MDFIC2: variants seen among roughly 807,000 people sequenced by gnomAD.
MDFIC2 encodes myoD family inhibitor domain-containing protein 2.
chr3:70,202,512 T>C (rs1173858343), intron 3 of MDFIC2, among the ~76,000 whole-genome samples: 4 of 152,172 alleles, frequency 2.6e-5, no homozygotes, highest in Non-Finnish European at 4.4e-5. Context: ...GTTCTTTGTA[T>C]ATTAAATCTC....
chr3:70,232,423 G>A (rs573242108), intron 2 of MDFIC2, among the ~76,000 whole-genome samples: 3 of 149,026 alleles, frequency 2.0e-5, no homozygotes, highest in Admixed American at 6.7e-5. Context: ...TTTTTCTTGC[G>A]ATGGAGTCTC....
At chr3:70,259,089 G>T (rs1375246813) in intron 2 of MDFIC2, among the ~76,000 whole-genome samples, 6 of 152,106 alleles carry the variant, frequency 3.9e-5, no homozygotes, top group Admixed American at 6.6e-5. Context: ...AAATTATACG[G>T]TACCTCCTGC....
intron 2 of MDFIC2, among the ~76,000 whole-genome samples, chr3:70,282,857 G>A (rs1702102516): frequency 6.6e-6 from 1 of 152,150 alleles, no homozygotes; most frequent in Non-Finnish European, 1.5e-5. Flanking sequence ...GGAAAAGAGA[G>A]GTGTAAATAT....
Position 70,230,193 on chromosome 3 carries a change from G to C in MDFIC2, c.89-23403C>G, listed in dbSNP as rs1162704243. Among the ~76,000 whole-genome samples, 5 of 152,216 alleles carry C rather than the reference G, an allele frequency of 3.3e-5. No individual in the cohort carries two copies. In the East Asian group the frequency reaches 9.7e-4, roughly 29 times the overall value. On this transcript the variant is annotated intron_variant, in intron 2 of 3. Coordinates refer to ENST00000567252, the MANE Select transcript of MDFIC2 (RefSeq NM_001364677.1). ...AGAGCCATCCATTTAACAGCACATT[G>C]TCTCTTACTGGTAGATACCATAATT...
At chr3:70,248,025 T>C (rs945817141) in intron 2 of MDFIC2, among the ~76,000 whole-genome samples, 1 of 151,990 alleles carries the variant, frequency 6.6e-6, no homozygotes, top group Non-Finnish European at 1.5e-5. Flanking sequence ...TCCATCTTTG[T>C]AGTATTTGAA....
At chr3:70,248,257 C>T (rs573872643) in intron 2 of MDFIC2, among the ~76,000 whole-genome samples, 29 of 152,080 alleles carry the variant, frequency 1.9e-4, no homozygotes, top group Admixed American at 6.6e-4. Flanking sequence ...TATGATCTTA[C>T]GTAGAATATT....
At chr3:70,198,262 C>T (rs1231487048) in intron 3 of MDFIC2, among the ~76,000 whole-genome samples, 1 of 152,108 alleles carries the variant, frequency 6.6e-6, no homozygotes, top group Non-Finnish European at 1.5e-5. Context: ...GTTTGACTTT[C>T]ATAAGGATCT....
At position 70,194,838 on chromosome 3, in the gene MDFIC2, G is replaced by T. The variant is rs1448437437; in HGVS notation, c.*2088C>A. On this transcript the variant is annotated 3_prime_UTR_variant, in exon 4 of 4. Transcript: ENST00000567252. ...CCAGGTACCATATTATAGGAATAGGGTTCCAGAGACCCCCAGGTGTTCCTC... is the reference window on the plus strand; with the variant it reads ...CCAGGTACCATATTATAGGAATAGGTTTCCAGAGACCCCCAGGTGTTCCTC... Among the ~76,000 whole-genome samples the T allele has an allele frequency of 6.6e-6, 1 of 152,140 alleles. No individual in the cohort carries two copies. The highest frequency in any genetic ancestry group is 2.1e-4 in the South Asian group (1 of 4,822).
At chr3:70,267,123 T>C (rs1300226591) in intron 2 of MDFIC2, among the ~76,000 whole-genome samples, 2 of 152,140 alleles carry the variant, frequency 1.3e-5, no homozygotes, top group Non-Finnish European at 2.9e-5. Context: ...GGAAGGAGAA[T>C]AGGAAGTACC....
chr3:70,207,700 A>G (rs1482678639), intron 2 of MDFIC2, among the ~76,000 whole-genome samples: 2 of 152,122 alleles, frequency 1.3e-5, no homozygotes, highest in African/African-American at 2.4e-5. Flanking sequence ...ACAACCACTT[A>G]CATAGCATTT....
intron 2 of MDFIC2, among the ~76,000 whole-genome samples, chr3:70,222,525 G>A (rs1701470067): frequency 6.6e-6 from 1 of 152,188 alleles, no homozygotes. Flanking sequence ...TGCTAGATCT[G>A]CTTTGGGCTA....
chr3:70,268,991 T>C (rs1015313242), intron 2 of MDFIC2, among the ~76,000 whole-genome samples: 3 of 152,104 alleles, frequency 2.0e-5, no homozygotes, highest in African/African-American at 7.2e-5. Context: ...TCTTGTATAT[T>C]ACAAAGTTTA....
At chr3:70,207,931 C>T (rs772064070) in intron 2 of MDFIC2, among the ~76,000 whole-genome samples, 2 of 152,032 alleles carry the variant, frequency 1.3e-5, no homozygotes, top group African/African-American at 2.4e-5. Context: ...CTGCAACAAG[C>T]GCTGGGCTGT....
intron 2 of MDFIC2, among the ~76,000 whole-genome samples, chr3:70,270,276 A>G (rs1019893975): frequency 1.3e-5 from 2 of 152,230 alleles, no homozygotes; most frequent in African/African-American, 4.8e-5. Flanking sequence ...AAATCCTAGC[A>G]CATTACAAAA....
intron 2 of MDFIC2, among the ~76,000 whole-genome samples, chr3:70,258,682 A>G (rs536408779): frequency 6.6e-6 from 1 of 152,298 alleles, no homozygotes; most frequent in South Asian, 2.1e-4. Flanking sequence ...TATGCAGTCA[A>G]AGCTTTATGT....
chr3:70,266,607 AT>A (rs1159131485), intron 2 of MDFIC2, among the ~76,000 whole-genome samples: 1 of 151,472 alleles, frequency 6.6e-6, no homozygotes. Context: ...TTTATTTTTA[AT>A]TTTTTTATTT....
At chr3:70,276,972 T>A (rs1702033122) in intron 2 of MDFIC2, among the ~76,000 whole-genome samples, 1 of 152,242 alleles carries the variant, frequency 6.6e-6, no homozygotes, top group Non-Finnish European at 1.5e-5. Context: ...CACTGGATTT[T>A]TTTTTTTATT....
chr3:70,224,586 T>C (rs1701487279), intron 2 of MDFIC2, among the ~76,000 whole-genome samples: 1 of 152,200 alleles, frequency 6.6e-6, no homozygotes, highest in Non-Finnish European at 1.5e-5. Flanking sequence ...AGTGTCTGAC[T>C]TTACAACTGC....
intron 2 of MDFIC2, among the ~76,000 whole-genome samples, chr3:70,267,564 G>A (rs1190364090): frequency 7.2e-6 from 1 of 139,628 alleles, no homozygotes; most frequent in African/African-American, 2.6e-5. Context: ...CACCATGCCC[G>A]GCTAATTTTT....
Sources: gnomAD v4.1 joint callset for allele counts (sites outside exome capture counted in the v4.1 genomes callset) on GRCh38, gnomAD v4.1.1 for gene constraint, MANE v1.5 for transcripts, NCBI Gene and HGNC (gene_info 2026-07-23, HGNC 2026-07-21) for gene names.